ATP11C: variants seen among roughly 807,000 people sequenced by gnomAD.
The protein encoded by ATP11C is ATPase phospholipid transporting 11C (ATP11C blood group), also known as phospholipid-transporting ATPase IG.
In ATP11C, 36 loss-of-function variants were observed where a neutral mutation model predicts 97.4. That is an observed-to-expected ratio of 0.37 (90% CI 0.28 to 0.49). The LOEUF is 0.49. Ranked by LOEUF, ATP11C falls within the 20% of genes least tolerant of loss-of-function variation. ATP11C has a pLI of 0.98. For missense variants in ATP11C, 730 were observed against 824.6 expected (o/e 0.89, Z 1.40); for synonymous variants, 275 against 290.9 (o/e 0.95, Z 0.56).
chrX:139,847,903 G>A (rs189733671), intron 1 of ATP11C, among the ~76,000 whole-genome samples: 17 of 110,555 alleles, frequency 1.5e-4, no homozygotes, highest in Middle Eastern at 4.6e-3. Flanking sequence ...CCTCCCCCTT[G>A]CTTATAGAGT....
chrX:139,911,601 C>T (rs1490065742), intron 1 of ATP11C, among the ~76,000 whole-genome samples: 2 of 111,328 alleles, frequency 1.8e-5, no homozygotes, highest in Non-Finnish European at 3.8e-5. Flanking sequence ...CCTATGATTA[C>T]GTATGTGAGA....
chrX:139,894,727 A>C (rs2148080912), intron 1 of ATP11C, among the ~76,000 whole-genome samples: 1 of 112,459 alleles, frequency 8.9e-6, no homozygotes, highest in African/African-American at 3.2e-5. Context: ...TGAATGTATC[A>C]AAATATTACA....
chrX:139,915,159 C>A (rs1300518604), intron 1 of ATP11C, among the ~76,000 whole-genome samples: 1 of 111,443 alleles, frequency 9.0e-6, no homozygotes, highest in African/African-American at 3.3e-5. Flanking sequence ...AATTTCAAAT[C>A]TTGACCCATA....
intron 18 of ATP11C, among the ~76,000 whole-genome samples, chrX:139,778,261 C>G (rs1199445739): frequency 9.0e-6 from 1 of 111,662 alleles, no homozygotes; most frequent in Non-Finnish European, 1.9e-5. Context: ...CAAGCAAATG[C>G]TATGGGAATC....
At position 139,833,831 on chromosome X, in the gene ATP11C, C is replaced by T. The variant is rs763106690; in HGVS notation, c.28-7008G>A. Among the ~76,000 whole-genome samples, 219 of 110,877 alleles carry T rather than the reference C, an allele frequency of 2.0e-3. 1 individual carries two copies. The highest frequency in any genetic ancestry group is 7.0e-3 in the African/African-American group (213 of 30,469). ...TCAAAATGAGACCTGGAGAAAATGG[C>T]TTAGTTGAGCCTCATTTCCTTATCT... On this transcript the variant is annotated intron_variant, in intron 1 of 29. Transcript: ENST00000682941.
At chrX:139,834,713 C>A (rs888850952) in intron 1 of ATP11C, among the ~76,000 whole-genome samples, 2 of 111,761 alleles carry the variant, frequency 1.8e-5, no homozygotes, top group Non-Finnish European at 3.8e-5. Context: ...ACTAGGAATG[C>A]CACAGTAAGA....
intron 19 of ATP11C, among the ~76,000 whole-genome samples, chrX:139,770,359 G>A (rs1454816354): frequency 1.8e-5 from 2 of 111,951 alleles, no homozygotes; most frequent in Non-Finnish European, 3.8e-5. Context: ...TCTAAAGTAG[G>A]ACTTGAAAAA....
intron 19 of ATP11C, among the ~76,000 whole-genome samples, chrX:139,769,544 G>A (rs1244809694): frequency 9.3e-6 from 1 of 107,083 alleles, no homozygotes; most frequent in Admixed American, 1.0e-4. Flanking sequence ...TTAGGTGTCA[G>A]GAAAGACAAA....
chrX:139,828,813 A>G (rs750920392), intron 1 of ATP11C, among the ~76,000 whole-genome samples: 1 of 112,099 alleles, frequency 8.9e-6, no homozygotes, highest in South Asian at 3.7e-4. Flanking sequence ...AATTACAGCA[A>G]CCACTGATTA....
intron 1 of ATP11C, chrX:139,909,857 G>A (rs2085044565): frequency 9.0e-6 from 1 of 111,685 alleles, no homozygotes; most frequent in African/African-American, 3.3e-5. Flanking sequence ...AAGACGCTGG[G>A]GAAATGAGAG....
intron 1 of ATP11C, among the ~76,000 whole-genome samples, chrX:139,867,954 A>T (rs908274928): frequency 8.0e-5 from 9 of 111,991 alleles, no homozygotes; most frequent in East Asian, 2.8e-4. Context: ...AAGAGAGATT[A>T]AAAAAAGAAC....
chrX:139,735,513 C>T (rs1235167027), intron 28 of ATP11C, among the ~76,000 whole-genome samples: 1 of 112,007 alleles, frequency 8.9e-6, no homozygotes, highest in Non-Finnish European at 1.9e-5. Flanking sequence ...AGGCCAATGT[C>T]TTAGCAAGGA....
At chrX:139,753,150 C>A (rs1176750026) in intron 23 of ATP11C, among the ~76,000 whole-genome samples, 1 of 111,397 alleles carries the variant, frequency 9.0e-6, no homozygotes, top group Non-Finnish European at 1.9e-5. Flanking sequence ...CTCTCTACCC[C>A]CAAAACAACA....
intron 3 of ATP11C, among the ~76,000 whole-genome samples, chrX:139,817,667 G>A (rs1428169498): frequency 8.9e-6 from 1 of 112,413 alleles, no homozygotes; most frequent in Admixed American, 9.4e-5. Context: ...CAAGAGTGAA[G>A]GCAGGGAGTC....
chrX:139,836,502 G>A (rs188372046), intron 1 of ATP11C, among the ~76,000 whole-genome samples: 1 of 111,399 alleles, frequency 9.0e-6, no homozygotes, highest in Non-Finnish European at 1.9e-5. Flanking sequence ...GTGACAGAAC[G>A]AGACTCTCTC....
chrX:139,915,739 T>C (rs2085145571), intron 1 of ATP11C, among the ~76,000 whole-genome samples: 1 of 112,143 alleles, frequency 8.9e-6, no homozygotes, highest in South Asian at 3.7e-4. Flanking sequence ...TATTTTTTAA[T>C]TGATATATAA....
intron 18 of ATP11C, among the ~76,000 whole-genome samples, chrX:139,777,484 A>T (rs1014545656): frequency 4.5e-5 from 5 of 110,616 alleles, no homozygotes; most frequent in Non-Finnish European, 7.5e-5. Context: ...AAAAAAAAAA[A>T]TTTCAACATG....
chrX:139,797,052 G>C, intron 11 of ATP11C, 124 bp downstream of exon 11: 1 of 526,437 alleles, frequency 1.9e-6, no homozygotes, highest in Middle Eastern at 3.5e-4. Flanking sequence ...TTGGCTTAGA[G>C]CCACCATGTA....
rs1460306252 is a variant in ATP11C, at chrX:139,921,896, C to T, written c.27+10120G>A. Among the ~76,000 whole-genome samples the T allele has an allele frequency of 2.7e-5, 3 of 110,149 alleles. No individual in the cohort carries two copies. In the Admixed American group the frequency reaches 2.9e-4, roughly 11 times the overall value. ...CCAAATATATATTTCATCCTGGTCT[C>T]TGCCTTACTGTCTCTGCACCAAATA... On this transcript the variant is annotated intron_variant, in intron 1 of 29. Coordinates refer to ENST00000682941, the MANE Select transcript of ATP11C (RefSeq NM_001353812.2).
Sources: allele counts gnomAD v4.1 joint callset (sites outside exome capture counted in the v4.1 genomes callset), GRCh38; gene constraint gnomAD v4.1.1; transcripts MANE v1.5; gene names NCBI Gene and HGNC (gene_info 2026-07-23, HGNC 2026-07-21).